The following SLC17A7 variants were observed in gnomAD, a reference collection of about 807,000 sequenced individuals.
The protein encoded by SLC17A7 is solute carrier family 17 member 7.
A neutral mutation model predicts 59.1 loss-of-function variants in SLC17A7; 15 were observed. The ratio of observed to expected loss-of-function variants is 0.25; its 90% CI spans 0.17 to 0.39. The LOEUF is 0.39. Ranked by LOEUF, SLC17A7 falls within the 10% of genes least tolerant of loss-of-function variation. The pLI is 1.00. For synonymous variants in SLC17A7, 353 were observed against 308.9 expected (o/e 1.14, Z -1.50); for missense variants, 499 against 765.1 (o/e 0.65, Z 4.10).
rs147944947 is a variant in SLC17A7 at position 49,430,543 on chromosome 19, G to A, written c.1659C>T (p.Pro553=). 60 of 1,588,044 alleles carry A rather than the reference G, an allele frequency of 3.8e-5. No individual in the cohort carries two copies. The highest frequency in any genetic ancestry group is 4.6e-5 in the Non-Finnish European group (54 of 1,166,046). ...ATHSTFQPPR[P]PPPVRDY ...GTCAGTAGTCCCGGACAGGGGGTGG[G>A]GGCCTGGGGGGCTGAAATGTGCTGT... is the stretch of plus-strand genomic sequence containing the variant. The change falls in exon 12 of 12, where the codon CCC becomes CCT. Residue 553 remains proline (P), a synonymous_variant. Transcript: ENST00000221485.
chr19:49,430,871 AG>A (rs1467694223), intron 11 of SLC17A7, 59 bp from the exon 12 acceptor site: 8 of 1,563,324 alleles, frequency 5.1e-6, no homozygotes, highest in Non-Finnish European at 6.9e-6. Flanking sequence ...AGGCGGAGAG[AG>A]GGGGAGGCCT....
intron 8 of SLC17A7, 22 bp from the exon 9 acceptor site, chr19:49,432,673 G>GT (rs398034942): frequency 4.3e-6 from 7 of 1,609,356 alleles, no homozygotes; most frequent in African/African-American, 1.3e-5. Flanking sequence ...GGTGTACAGG[G>GT]ACACTAGGGT....
At position 49,432,596 on chromosome 19, in the gene SLC17A7, C is replaced by T; in HGVS notation, c.1073G>A (p.Gly358Asp). The T allele has an allele frequency of 6.2e-7, 1 of 1,613,670 alleles. No individual in the cohort carries two copies. The highest frequency in any genetic ancestry group is 8.5e-7 in the Non-Finnish European group (1 of 1,179,870). ...CCGCAGGAAGTCCGCGATCTGGCCG[C>T]CGATGGGCACGATGATGGTCATGAC... ...HLVMTIIVPI[G>D]GQIADFLRSR... The change falls in exon 9 of 12, where the codon GGC becomes GAC. Residue 358 changes from glycine to aspartate, a missense_variant. Transcript: ENST00000221485.
rs779414202 is a variant in SLC17A7, at chr19:49,430,740, C to T, written c.1462G>A (p.Val488Ile). The change falls in exon 12 of 12, where the codon GTC (valine) becomes ATC (isoleucine). Residue 488 changes from valine to isoleucine, a missense_variant. Val to Ile is a conservative substitution (Grantham distance 29). This residue lies in a region of SLC17A7 where 323 missense variants were observed against 607.2 expected (regional missense o/e 0.53). Coordinates refer to ENST00000221485, the MANE Select transcript of SLC17A7 (RefSeq NM_020309.4). Reference protein sequence around the residue: ...VHYGGVIFYGVFASGEKQPWA... With the variant: ...VHYGGVIFYGIFASGEKQPWA... ...GGCTGCTTCTCTCCAGAAGCAAAGA[C>T]CCCGTAGAAGATGACACCTCCATAG... 2 of 1,614,078 alleles carry T rather than the reference C, an allele frequency of 1.2e-6. No individual in the cohort carries two copies. The highest frequency in any genetic ancestry group is 1.7e-6 in the Non-Finnish European group (2 of 1,179,988).
At chr19:49,440,818 A>C (rs1168305026) in intron 1 of SLC17A7, among the ~76,000 whole-genome samples, 2 of 151,506 alleles carry the variant, frequency 1.3e-5, no homozygotes, top group Non-Finnish European at 2.9e-5. Context: ...ACCCAGAAAG[A>C]GGGGGACAGA....
chr19:49,433,726 C>A lies in SLC17A7; in HGVS notation c.867G>T (p.Thr289=). The A allele has an allele frequency of 6.2e-7, 1 of 1,614,106 alleles. No homozygotes were observed. Among genetic ancestry groups the A allele is most frequent in the Non-Finnish European group, 8.5e-7 (1 of 1,179,998 alleles). The change falls in exon 7 of 12, where the codon ACG becomes ACT. Residue 289 remains threonine (T), a splice_region_variant and synonymous_variant. Transcript: ENST00000221485. This position sits in a 1 kb window ranked among gnomAD's most constrained non-coding sequence, Gnocchi z 5.7. ...GESAKLMNPL[T]KFSTPWRRFF... is the part of the protein sequence containing the mutation. The stretch of plus-strand genomic sequence containing the variant: ...CTTCCCCGAAGATTTGGTCCCGGAC[C>A]GTGAGGGGGTTCATGAGTTTCGCGC...
chr19:49,435,002 C>A, intron 3 of SLC17A7, 120 bp from the exon 4 acceptor site: 1 of 1,050,456 alleles, frequency 9.5e-7, no homozygotes, highest in South Asian at 1.4e-5. Flanking sequence ...CACCACCTCT[C>A]TGACTTACAC....
chr19:49,432,749 C>G, intron 8 of SLC17A7, 62 bp downstream of exon 8: 2 of 1,597,192 alleles, frequency 1.3e-6, no homozygotes, highest in Middle Eastern at 4.0e-4. Context: ...GCCTCGGGAT[C>G]GCCGCCAGTT....
Position 49,433,602 on chromosome 19 carries a change from C to G in SLC17A7, c.867+124G>C. The G allele has an allele frequency of 7.1e-7, 1 of 1,403,992 alleles. No homozygotes were observed. The highest frequency in any genetic ancestry group is 9.9e-7 in the Non-Finnish European group (1 of 1,008,840). 87.0% of individuals were successfully genotyped at this position (1,403,992 alleles called of 1,614,324 possible). A position where few individuals can be genotyped will look rare whatever the true frequency, so the allele number is the denominator to read the frequency against. On this transcript the variant is annotated intron_variant, in intron 7 of 11. Transcript: ENST00000221485. The surrounding 1 kb of genome is among the most constrained non-coding windows in gnomAD (Gnocchi z 5.7). ...GCAACCCGCCTCCTAGGTTCTAGCC[C>G]CTCTCTTTGCGTTCCAGTCCCGTCT... is the stretch of plus-strand genomic sequence containing the variant.
intron 8 of SLC17A7, 27 bp from the exon 9 acceptor site, chr19:49,432,678 T>C: frequency 6.2e-7 from 1 of 1,606,400 alleles, no homozygotes; most frequent in South Asian, 1.1e-5. Flanking sequence ...ACAGGGACAC[T>C]AGGGTTCGGG....
In SLC17A7 at chr19:49,432,517, ACCT is replaced by A; in HGVS notation, c.1149_1150+1del. 1 of 1,611,384 alleles carries A rather than the reference ACCT, an allele frequency of 6.2e-7. No individual in the cohort carries two copies. The highest frequency in any genetic ancestry group is 8.5e-7 in the Non-Finnish European group (1 of 1,178,872). On this transcript the variant is annotated splice_donor_variant and coding_sequence_variant, in exon 9 of 12. Coordinates refer to ENST00000221485, the MANE Select transcript of SLC17A7 (RefSeq NM_020309.4). LOFTEE classifies it high-confidence loss of function. ...AGCCGGCCCAGGCCCCGCCCCACTC[ACCT>A]CCGCAGTTCATCAACTTGCGCACGT...
chr19:49,441,395 C>G lies in SLC17A7; in HGVS notation c.-16G>C. The G allele has an allele frequency of 6.5e-7, 1 of 1,526,996 alleles. No homozygotes were observed. Among genetic ancestry groups the G allele is most frequent in the Non-Finnish European group, 8.8e-7 (1 of 1,142,440 alleles). 94.6% of individuals were successfully genotyped at this position (1,526,996 alleles called of 1,614,324 possible). On this transcript the variant is annotated 5_prime_UTR_variant, in exon 1 of 12. Transcript: ENST00000221485. ...GGAACTCCATGGTGGCGGCTCCTGC[C>G]GCCGGTCACCCCGCGGGTCCCCCCC...
rs2078975935 is a variant in SLC17A7 at position 49,435,304 on chromosome 19, C to T, written c.316-18G>A. On this transcript the variant is annotated intron_variant, in intron 2 of 11. Transcript: ENST00000221485. The stretch of plus-strand genomic sequence containing the variant: ...TGGGCTTTCTGCGGGCCAAAATGTA[C>T]ATTAAATCAGCCGCCCTGTCCAGGC... 1.9e-6 allele frequency: 3 copies of T among 1,581,554 alleles called. No individual in the cohort carries two copies. Among genetic ancestry groups the T allele is most frequent in the Admixed American group, 1.7e-5 (1 of 59,936 alleles).
At chr19:49,435,534 C>A in intron 2 of SLC17A7, 1 of 407,628 alleles carries the variant, frequency 2.5e-6, no homozygotes. Context: ...CCTTGCTTTG[C>A]CTGCTTCCTT....
Position 49,432,905 on chromosome 19 carries a change from A to G in SLC17A7, c.923T>C (p.Ile308Thr). 2 of 1,604,576 alleles carry G rather than the reference A, an allele frequency of 1.2e-6. No homozygotes were observed. The highest frequency in any genetic ancestry group is 1.7e-6 in the Non-Finnish European group (2 of 1,175,810). The change falls in exon 8 of 12, where the codon ATC becomes ACC. Residue 308 changes from isoleucine to threonine, a missense_variant. Ile to Thr is a moderately conservative substitution (Grantham distance 89, BLOSUM62 -1). Coordinates refer to ENST00000221485, the MANE Select transcript of SLC17A7 (RefSeq NM_020309.4). ...FFTSMPVYAI[I>T]VANFCRSWTF... ...CCAGCTGCGGCAGAAGTTGGCCACG[A>G]TGATGGCATAGACTGGCATAGACGT... is the stretch of plus-strand genomic sequence containing the variant.
Position 49,432,642 on chromosome 19 carries a change from C to G in SLC17A7, c.1027G>C (p.Val343Leu). Reference protein sequence around the residue: ...FGFEISKVGLVSALPHLVMTI... With the variant: ...FGFEISKVGLLSALPHLVMTI... ...ATGACCAGGTGGGGCAGCGCGGACA[C>G]CAGGCCTACCTGCGGGAACAGGTGT... Residue 343 changes from valine to leucine, a missense_variant, in exon 9 of 12, where the codon GTG (valine) becomes CTG (leucine). Coordinates refer to ENST00000221485, the MANE Select transcript of SLC17A7 (RefSeq NM_020309.4). 3 of 1,607,328 alleles carry G rather than the reference C, an allele frequency of 1.9e-6. No individual in the cohort carries two copies. The highest frequency in any genetic ancestry group is 2.5e-6 in the Non-Finnish European group (3 of 1,178,518).
At chr19:49,432,723 C>A in intron 8 of SLC17A7, 72 bp from the exon 9 acceptor site, 4 of 1,604,942 alleles carry the variant, frequency 2.5e-6, no homozygotes, top group Non-Finnish European at 3.4e-6. Context: ...GGTCCGTGCA[C>A]CACCGGCTCC....
chr19:49,432,276 C>G (rs1159586864), intron 9 of SLC17A7, among the ~76,000 whole-genome samples: 1 of 152,240 alleles, frequency 6.6e-6, no homozygotes, highest in African/African-American at 2.4e-5. Flanking sequence ...CTCTGCTCCA[C>G]CCGGGAAGTC....
chr19:49,434,490 C>G (rs1400933421), intron 5 of SLC17A7, 112 bp downstream of exon 5: 18 of 1,047,958 alleles, frequency 1.7e-5, no homozygotes, highest in Non-Finnish European at 2.3e-5. Flanking sequence ...TCCTCCTCCT[C>G]CCTCAGACAC....
Sources: allele counts gnomAD v4.1 joint callset (sites outside exome capture counted in the v4.1 genomes callset), GRCh38; gene constraint gnomAD v4.1.1; regional missense constraint gnomAD v4.1.1; non-coding constraint Gnocchi (gnomAD v3.1); transcripts MANE v1.5; gene names NCBI Gene and HGNC (gene_info 2026-07-23, HGNC 2026-07-21).